Variants in SGK3 observed in about 807,000 individuals in gnomAD.
SGK3 encodes the protein serine/threonine-protein kinase Sgk3.
SGK3 carries 47 observed loss-of-function variants against 68.5 expected under a neutral mutation model. The ratio of observed to expected loss-of-function variants is 0.69; its 90% CI spans 0.54 to 0.87. The LOEUF is 0.87. Among genes scored for constraint, SGK3 ranks in the 40% least tolerant of loss-of-function variants. SGK3 has a pLI of 0.00. For missense variants in SGK3, 479 were observed against 575.5 expected, an observed-to-expected ratio of 0.83 and a Z score of 1.72; for synonymous variants, 181 against 189.1, an observed-to-expected ratio of 0.96 and a Z score of 0.35.
chr8:66,846,679 C>A (rs1235178560), intron 14 of SGK3, among the ~76,000 whole-genome samples: 1 of 152,156 alleles, frequency 6.6e-6, no homozygotes, highest in African/African-American at 2.4e-5. Context: ...TGAAGCTATA[C>A]CCCAAGTCTT....
At position 66,779,531 on chromosome 8, in the gene SGK3, G is replaced by GAT. The variant is rs1245858584; in HGVS notation, c.-121-14074_-121-14073dup. ...AGTTTCTATTGTTAGGTAGGGGGGA[G>GAT]ATATATATATATGTATATGTATGTG... On this transcript the variant is annotated intron_variant, in intron 1 of 16. Transcript: ENST00000521198. 1.5e-4 allele frequency among the ~76,000 whole-genome samples: 19 copies of GAT among 130,890 alleles called. No homozygotes were observed. In the East Asian group the frequency reaches 2.7e-3, roughly 19 times the overall value. 85.9% of individuals were successfully genotyped at this position (130,890 alleles called of 152,430 possible).
chr8:66,786,925 C>CTTTTTTTTTTTTTTTTTTTTTTTTTTTT (rs71249407), intron 1 of SGK3, among the ~76,000 whole-genome samples: 1 of 48,684 alleles, frequency 2.1e-5, no homozygotes, highest in African/African-American at 8.3e-5. Flanking sequence ...TTTTCTCTGT[C>CTTTTTTTTTTTTTTTTTTTTTTTTTTTT]TTTTTTTTTT....
At chr8:66,740,121 A>G (rs1805437478) in intron 1 of SGK3, among the ~76,000 whole-genome samples, 1 of 152,248 alleles carries the variant, frequency 6.6e-6, no homozygotes, top group Non-Finnish European at 1.5e-5. Context: ...TTTTTGTACC[A>G]GAATTATCTC....
chr8:66,740,518 A>G (rs1805448163), intron 1 of SGK3, among the ~76,000 whole-genome samples: 1 of 152,190 alleles, frequency 6.6e-6, no homozygotes, highest in East Asian at 1.9e-4. Flanking sequence ...CCTCAAATAT[A>G]TTTGTTGAGC....
At chr8:66,824,212 G>A (rs1808963401) in intron 6 of SGK3, among the ~76,000 whole-genome samples, 1 of 152,128 alleles carries the variant, frequency 6.6e-6, no homozygotes, top group African/African-American at 2.4e-5. Flanking sequence ...AAAAATCTCT[G>A]TAGCTGGTCA....
At chr8:66,803,835 T>C (rs539905909) in intron 3 of SGK3, among the ~76,000 whole-genome samples, 1 of 152,150 alleles carries the variant, frequency 6.6e-6, no homozygotes, top group South Asian at 2.1e-4. Flanking sequence ...TTTTTTATTT[T>C]ATTTTTTAGA....
intron 6 of SGK3, among the ~76,000 whole-genome samples, chr8:66,825,297 T>C (rs1241820219): frequency 6.6e-6 from 1 of 152,028 alleles, no homozygotes. Flanking sequence ...AAAGCCATAC[T>C]TTGTTGTATA....
At chr8:66,852,790 C>T (rs1378376743) in intron 16 of SGK3, among the ~76,000 whole-genome samples, 3 of 152,280 alleles carry the variant, frequency 2.0e-5, no homozygotes, top group South Asian at 2.1e-4. Flanking sequence ...GGAATAATTT[C>T]GGTCCCAAAT....
chr8:66,852,675 A>G (rs761992644), intron 16 of SGK3, among the ~76,000 whole-genome samples: 28 of 152,158 alleles, frequency 1.8e-4, no homozygotes, highest in Admixed American at 3.3e-4. Flanking sequence ...TTCTATACAT[A>G]GCTCATAGCT....
rs114635332 is a variant in SGK3, at chr8:66,804,112, T to C, written c.181-263T>C. Among the ~76,000 whole-genome samples the C allele has an allele frequency of 2.2e-3, 342 of 152,250 alleles. 1 individual carries two copies. The highest frequency in any genetic ancestry group is 8.0e-3 in the African/African-American group (331 of 41,560). ...AGGTCATTGTTAAAATTATCCTCAT[T>C]TTATAGGCAGGAAAATGAGACGCAG... On this transcript the variant is annotated intron_variant, in intron 3 of 16. Transcript: ENST00000521198.
chr8:66,748,638 G>A (rs1805717792), intron 1 of SGK3, among the ~76,000 whole-genome samples: 2 of 152,128 alleles, frequency 1.3e-5, no homozygotes, highest in South Asian at 2.1e-4. Context: ...CAGGCCAGCA[G>A]TGCCTTGGAT....
intron 10 of SGK3, among the ~76,000 whole-genome samples, chr8:66,838,223 G>A (rs187090369): frequency 3.3e-5 from 5 of 152,122 alleles, no homozygotes; most frequent in East Asian, 1.9e-4. Flanking sequence ...GTGCCATGAC[G>A]CCCAGCTAAT....
At chr8:66,857,517 C>T (rs1810561441) in intron 16 of SGK3, among the ~76,000 whole-genome samples, 2 of 152,204 alleles carry the variant, frequency 1.3e-5, no homozygotes, top group South Asian at 4.2e-4. Context: ...CATGGCGGCT[C>T]ATGGCTGTAA....
intron 5 of SGK3, among the ~76,000 whole-genome samples, chr8:66,816,306 G>T (rs1024874997): frequency 6.8e-6 from 1 of 146,636 alleles, no homozygotes; most frequent in African/African-American, 2.5e-5. Flanking sequence ...TTTTTAACTG[G>T]CATTTTCTTT....
chr8:66,831,435 G>C lies in SGK3; in HGVS notation c.525+124G>C, dbSNP rs1240054858. The C allele has an allele frequency of 4.3e-6, 5 of 1,164,202 alleles. No individual in the cohort carries two copies. The African/African-American group carries it at 6.2e-5, about 14-fold the overall frequency. 72.1% of individuals were successfully genotyped at this position (1,164,202 alleles called of 1,614,324 possible). On this transcript the variant is annotated intron_variant, in intron 8 of 16. Coordinates refer to ENST00000521198, the MANE Select transcript of SGK3 (RefSeq NM_001033578.3). ...AGTCATAGCACACTTGAACTCCTGG[G>C]CTCAAGCCATCCTCCCACCTCAGCC...
chr8:66,789,137 A>C (rs181895502), intron 1 of SGK3, among the ~76,000 whole-genome samples: 13 of 152,142 alleles, frequency 8.5e-5, no homozygotes, highest in South Asian at 2.1e-4. Context: ...AAAAAAAAAA[A>C]CACTACATTT....
At position 66,804,474 on chromosome 8, in the gene SGK3, A is replaced by G. The variant is rs1437032849; in HGVS notation, c.253+27A>G. The G allele has an allele frequency of 2.5e-6, 4 of 1,605,492 alleles. No individual in the cohort carries two copies. The East Asian group carries it at 8.9e-5, about 36-fold the overall frequency. ...TAAGAAACAACTTCATAGGCCAGCT[A>G]TGAAGTGATTGTTGAAGTTTGAAGA... is the stretch of plus-strand genomic sequence containing the variant. On this transcript the variant is annotated intron_variant, in intron 4 of 16. Transcript: ENST00000521198.
chr8:66,777,013 A>G (rs529435177), intron 1 of SGK3, among the ~76,000 whole-genome samples: 1 of 152,284 alleles, frequency 6.6e-6, no homozygotes, highest in Admixed American at 6.5e-5. Context: ...TTGATTGGGT[A>G]GGAGTCAGGA....
chr8:66,768,372 C>T (rs1806394024), intron 1 of SGK3, among the ~76,000 whole-genome samples: 1 of 148,120 alleles, frequency 6.8e-6, no homozygotes, highest in African/African-American at 2.5e-5. Context: ...GAAGGGCTTC[C>T]TTGAATGTTT....
Sources: gnomAD v4.1 joint callset for allele counts (sites outside exome capture counted in the v4.1 genomes callset) on GRCh38, gnomAD v4.1.1 for gene constraint, MANE v1.5 for transcripts, NCBI Gene and HGNC (gene_info 2026-07-23, HGNC 2026-07-21) for gene names.